The following COMMD1 variants were observed in gnomAD, a reference collection of about 807,000 sequenced individuals.
The protein encoded by COMMD1 is copper metabolism domain containing 1.
In COMMD1, 10 loss-of-function variants were observed where a neutral mutation model predicts 17.2. That is an observed-to-expected ratio of 0.58 (90% CI 0.36 to 0.99). The LOEUF is 0.99. COMMD1 is among the 50% of genes least tolerant of loss of function. The probability of loss-of-function intolerance (pLI) is 0.01; values close to 1 mark genes in which losing one functional copy is unlikely to be tolerated. For synonymous variants in COMMD1, 97 were observed against 91.6 expected (o/e 1.06, Z -0.34); for missense variants, 270 against 231.8 (o/e 1.17, Z -1.07).
At chr2:62,059,764 T>C (rs1670807220) in intron 2 of COMMD1, among the ~76,000 whole-genome samples, 1 of 152,212 alleles carries the variant, frequency 6.6e-6, no homozygotes, top group African/African-American at 2.4e-5. Flanking sequence ...TTTTTCCAAC[T>C]AGTTTCCAAC....
intron 1 of COMMD1, among the ~76,000 whole-genome samples, chr2:61,945,910 C>T (rs541494363): frequency 2.6e-5 from 4 of 152,162 alleles, no homozygotes; most frequent in Non-Finnish European, 4.4e-5. Context: ...TTCCAGGTAG[C>T]GGGTTTTAGA....
Position 62,000,900 on chromosome 2 carries a change from A to T in COMMD1, c.380A>T (p.Asp127Val). The T allele has an allele frequency of 6.2e-7, 1 of 1,614,126 alleles. No individual in the cohort carries two copies. Among genetic ancestry groups the T allele is most frequent in the Non-Finnish European group, 8.5e-7 (1 of 1,179,986 alleles). The change falls in exon 2 of 3, where the codon GAT becomes GTT. Residue 127 changes from aspartate to valine, a missense_variant. Asp to Val is a radical substitution (Grantham distance 152). Transcript: ENST00000311832. ...SGLRGLSWRV[D>V]GKSQSRHSAQ... ...CTTCGGGGCCTGAGCTGGAGAGTTGATGGCAAGTCTCAGTCAAGGCACTCA... is the reference window on the plus strand; with the variant it reads ...CTTCGGGGCCTGAGCTGGAGAGTTGTTGGCAAGTCTCAGTCAAGGCACTCA...
chr2:61,915,307 G>A (rs1010511395), intron 1 of COMMD1, among the ~76,000 whole-genome samples: 7 of 151,594 alleles, frequency 4.6e-5, no homozygotes, highest in African/African-American at 1.2e-4. Context: ...CACCCAGCCC[G>A]GATTATTTTA....
chr2:61,980,033 A>G (rs1671914991), intron 1 of COMMD1, among the ~76,000 whole-genome samples: 1 of 42,020 alleles, frequency 2.4e-5, no homozygotes, highest in Non-Finnish European at 4.7e-5. Context: ...TTTACTGAGA[A>G]TGATGGTTTC....
chr2:62,111,433 G>A (rs544578612), intron 2 of COMMD1, among the ~76,000 whole-genome samples: 1 of 152,302 alleles, frequency 6.6e-6, no homozygotes, highest in East Asian at 1.9e-4. Context: ...AGTGTACATG[G>A]GGTGTATTCT....
intron 2 of COMMD1, among the ~76,000 whole-genome samples, chr2:62,075,939 G>T (rs1373306007): frequency 6.6e-6 from 1 of 152,254 alleles, no homozygotes; most frequent in Non-Finnish European, 1.5e-5. Context: ...ATCTCAGTCT[G>T]AGACCACTCT....
chr2:62,055,111 G>GA (rs1670656204), intron 2 of COMMD1, among the ~76,000 whole-genome samples: 1 of 152,178 alleles, frequency 6.6e-6, no homozygotes, highest in Non-Finnish European at 1.5e-5. Flanking sequence ...AGTGGCAAGT[G>GA]ACAATTAAGC....
chr2:61,968,186 G>A (rs988910562), intron 1 of COMMD1, among the ~76,000 whole-genome samples: 1 of 151,900 alleles, frequency 6.6e-6, no homozygotes. Context: ...AACAAAAGCC[G>A]CTTGGTGCCA....
At chr2:62,038,643 A>G (rs1276116895) in intron 2 of COMMD1, among the ~76,000 whole-genome samples, 1 of 151,976 alleles carries the variant, frequency 6.6e-6, no homozygotes, top group East Asian at 1.9e-4. Flanking sequence ...AGCCTCCTGG[A>G]TTCAAGCAAA....
upstream of COMMD1, among the ~76,000 whole-genome samples, chr2:61,904,412 A>G (rs1313306204): frequency 6.6e-6 from 1 of 151,800 alleles, no homozygotes; most frequent in African/African-American, 2.4e-5. Flanking sequence ...AACTTTACCA[A>G]CTGTTGTTCA....
chr2:62,124,300 GTAAATAAA>G (rs561238824), intron 2 of COMMD1, among the ~76,000 whole-genome samples: 3 of 152,048 alleles, frequency 2.0e-5, no homozygotes, highest in African/African-American at 4.8e-5. Flanking sequence ...CTCCATCTCA[GTAAATAAA>G]TAAATAAATA....
chr2:62,126,658 C>T (rs868675109), intron 2 of COMMD1, among the ~76,000 whole-genome samples: 1 of 152,068 alleles, frequency 6.6e-6, no homozygotes, highest in African/African-American at 2.4e-5. Flanking sequence ...AGATATTAGA[C>T]CTTTGTCAGA....
At position 61,967,117 on chromosome 2, in the gene COMMD1, C is replaced by T. The variant is rs151323980; in HGVS notation, c.181-33584C>T. Among the ~76,000 whole-genome samples, 752 of 152,150 alleles carry T rather than the reference C, an allele frequency of 4.9e-3. 8 individuals are homozygous for T. The highest frequency in any genetic ancestry group is 0.044 in the Middle Eastern group (13 of 294). On this transcript the variant is annotated intron_variant, in intron 1 of 2. Transcript: ENST00000311832. ...TGGAAATGGGGCCAGTTGATGAAGTCTAATATGAAACGAATATTTTAACTT... is the reference window on the plus strand; with the variant it reads ...TGGAAATGGGGCCAGTTGATGAAGTTTAATATGAAACGAATATTTTAACTT...
intron 1 of COMMD1, among the ~76,000 whole-genome samples, chr2:61,909,660 G>A (rs1345786453): frequency 2.6e-5 from 4 of 152,190 alleles, no homozygotes; most frequent in African/African-American, 4.8e-5. Flanking sequence ...TAAGCAGGAT[G>A]TACATTTTTC....
At chr2:61,961,278 T>A (rs1671337401) in intron 1 of COMMD1, among the ~76,000 whole-genome samples, 1 of 152,188 alleles carries the variant, frequency 6.6e-6, no homozygotes, top group African/African-American at 2.4e-5. Flanking sequence ...TGTGTCCAGT[T>A]TCCATTGGCT....
intron 2 of COMMD1, chr2:62,079,952 T>A (rs1294738388): frequency 6.6e-6 from 1 of 152,198 alleles, no homozygotes; most frequent in East Asian, 1.9e-4. Context: ...CTGAATATAA[T>A]CTTTCCAAAA....
intron 1 of COMMD1, among the ~76,000 whole-genome samples, chr2:61,910,162 A>G (rs1391799563): frequency 1.3e-5 from 2 of 152,142 alleles, no homozygotes; most frequent in African/African-American, 4.8e-5. Flanking sequence ...TGAATTGGGA[A>G]TGGTGTGTTT....
chr2:62,042,659 GCGA>G (rs1350117398), intron 2 of COMMD1, among the ~76,000 whole-genome samples: 1 of 152,230 alleles, frequency 6.6e-6, no homozygotes, highest in African/African-American at 2.4e-5. Context: ...GCCAGCCCCG[GCGA>G]CGGGCTGAAG....
chr2:61,993,309 A>G (rs10174013), intron 1 of COMMD1, among the ~76,000 whole-genome samples: 17,303 of 152,210 alleles, frequency 0.11, 2,308 homozygotes, highest in African/African-American at 0.32. Context: ...CAATCAGTAG[A>G]ACTTGACAAC....
Sources: allele counts gnomAD v4.1 joint callset (sites outside exome capture counted in the v4.1 genomes callset), GRCh38; gene constraint gnomAD v4.1.1; transcripts MANE v1.5; gene names NCBI Gene and HGNC (gene_info 2026-07-23, HGNC 2026-07-21).